Variants in PARD3B observed in about 807,000 individuals in gnomAD.
PARD3B encodes the protein par-3 family cell polarity regulator beta, also known as partitioning defective 3 homolog B.
PARD3B carries 103 observed loss-of-function variants against 130.2 expected under a neutral mutation model. That is an observed-to-expected ratio of 0.79 (90% CI 0.67 to 0.93). The LOEUF (loss-of-function observed/expected upper bound fraction) is 0.93, where lower values mean the gene tolerates loss of function less well. Ranked by LOEUF, PARD3B falls within the 40% of genes least tolerant of loss-of-function variation. The pLI is 0.00. For synonymous variants in PARD3B, 583 were observed against 553.2 expected, an observed-to-expected ratio of 1.05 and a Z score of -0.76; for missense variants, 1,609 against 1,499.2, an observed-to-expected ratio of 1.07 and a Z score of -1.21.
At chr2:204,944,124 G>A (rs1364424386) in intron 2 of PARD3B, among the ~76,000 whole-genome samples, 1 of 152,172 alleles carries the variant, frequency 6.6e-6, no homozygotes, top group African/African-American at 2.4e-5. Flanking sequence ...TCAAAATGAA[G>A]TACCACTTAA....
In PARD3B at chr2:204,722,578, C is replaced by A. The variant is rs116391234; in HGVS notation, c.222+36296C>A. Among the ~76,000 whole-genome samples the A allele has an allele frequency of 3.4e-3, 513 of 152,232 alleles. 3 individuals carry two copies. The highest frequency in any genetic ancestry group is 0.012 in the African/African-American group (484 of 41,548). On this transcript the variant is annotated intron_variant, in intron 2 of 22. Coordinates refer to ENST00000406610, the MANE Select transcript of PARD3B (RefSeq NM_001302769.2). ...TCTTGTCTATACATTTCTTGACTAG[C>A]GAGAAGAGATACGAGGCTTTAGGGC...
At chr2:205,599,167 G>C (rs1420661112) in intron 22 of PARD3B, among the ~76,000 whole-genome samples, 2 of 152,056 alleles carry the variant, frequency 1.3e-5, no homozygotes, top group Non-Finnish European at 2.9e-5. Flanking sequence ...TCAACAGAAA[G>C]TGAACCCAGA....
At position 205,550,316 on chromosome 2, in the gene PARD3B, T is replaced by C. The variant is rs2052561952; in HGVS notation, c.3181-3008T>C. Among the ~76,000 whole-genome samples the C allele has an allele frequency of 6.6e-6, 1 of 152,190 alleles. No individual in the cohort carries two copies. Among genetic ancestry groups the C allele is most frequent in the South Asian group, 2.1e-4 (1 of 4,824 alleles). ...TGCCTCCTTCCTCAGACTTCCACAG[T>C]GATCTCATTGTACCACAATTGTTTG... On this transcript the variant is annotated intron_variant, in intron 21 of 22. Transcript: ENST00000406610. This position sits in a 1 kb window ranked among gnomAD's most constrained non-coding sequence, Gnocchi z 4.5.
chr2:204,683,052 A>T (rs2036914036), intron 1 of PARD3B, among the ~76,000 whole-genome samples: 1 of 152,136 alleles, frequency 6.6e-6, no homozygotes, highest in Non-Finnish European at 1.5e-5. Context: ...TTCCTTTTGC[A>T]ATTCATTCTC....
chr2:205,448,495 G>A (rs2047984611), intron 20 of PARD3B, among the ~76,000 whole-genome samples: 2 of 151,960 alleles, frequency 1.3e-5, no homozygotes, highest in Admixed American at 6.6e-5. Flanking sequence ...TTAAAATGTG[G>A]GATAGTCTCT....
intron 21 of PARD3B, among the ~76,000 whole-genome samples, chr2:205,527,195 A>G (rs1298438925): frequency 6.6e-6 from 1 of 152,184 alleles, no homozygotes; most frequent in African/African-American, 2.4e-5. Flanking sequence ...AAGATAATGG[A>G]GCAGATAATT....
rs951801244 is a variant in PARD3B at position 205,572,499 on chromosome 2, CT to C, written c.3260+19099del. On this transcript the variant is annotated intron_variant, in intron 22 of 22. Transcript: ENST00000406610. This position sits in a 1 kb window ranked among gnomAD's most constrained non-coding sequence, Gnocchi z 4.2. The stretch of plus-strand genomic sequence containing the variant: ...GTGGTGCACGCCTGTAATCCCAGCA[CT>C]TTGGGAGGCCAAGGCAGGCGGATTG... Among the ~76,000 whole-genome samples, 22 of 152,180 alleles carry C rather than the reference CT, an allele frequency of 1.4e-4. No homozygotes were observed. Among genetic ancestry groups the C allele is most frequent in the African/African-American group, 4.3e-4 (18 of 41,448 alleles).
chr2:205,108,824 A>G (rs1249133226), intron 5 of PARD3B, among the ~76,000 whole-genome samples: 1 of 152,186 alleles, frequency 6.6e-6, no homozygotes, highest in Non-Finnish European at 1.5e-5. Flanking sequence ...TAGAAATGGT[A>G]TGATGTCGGA....
At position 204,546,029 on chromosome 2, in the gene PARD3B, G is replaced by T. The variant is rs749632216; in HGVS notation, c.30G>T (p.Thr10=). The T allele has an allele frequency of 6.4e-7, 1 of 1,567,668 alleles. No individual in the cohort carries two copies. The highest frequency in any genetic ancestry group is 1.2e-5 in the South Asian group (1 of 85,792). ...AAGTGACCGTGTGCTTCGGCAGGAC[G>T]GGCATCGTGGTGCCCTGCAAGGAGG... MKVTVCFGR[T]GIVVPCKEGQ... The change falls in exon 1 of 23, where the codon ACG becomes ACT. Residue 10 remains threonine (T), a synonymous_variant. Coordinates refer to ENST00000406610, the MANE Select transcript of PARD3B (RefSeq NM_001302769.2).
rs140243190 is a variant in PARD3B at position 205,400,343 on chromosome 2, G to A, written c.2631-670G>A. ...GAATCTCATCACAGGAGGACCTGAC[G>A]TACACATTTTAAAGAAAGTCCTGGC... is the stretch of plus-strand genomic sequence containing the variant. On this transcript the variant is annotated intron_variant, in intron 18 of 22. Transcript: ENST00000406610. Among the ~76,000 whole-genome samples the A allele has an allele frequency of 4.5e-3, 690 of 152,052 alleles. 5 individuals are homozygous for A. The highest frequency in any genetic ancestry group is 0.016 in the African/African-American group (658 of 41,484).
intron 20 of PARD3B, among the ~76,000 whole-genome samples, chr2:205,495,686 G>C (rs1454866761): frequency 1.3e-5 from 2 of 152,056 alleles, no homozygotes; most frequent in South Asian, 2.1e-4. Context: ...TTCCATTCTT[G>C]TTCAGTATCT....
At chr2:205,486,766 C>A (rs1020845338) in intron 20 of PARD3B, among the ~76,000 whole-genome samples, 21 of 152,058 alleles carry the variant, frequency 1.4e-4, no homozygotes, top group Non-Finnish European at 1.9e-4. Context: ...AACCATGATC[C>A]AATCACCTCC....
chr2:204,796,973 G>A (rs939486852), intron 2 of PARD3B, among the ~76,000 whole-genome samples: 4 of 151,860 alleles, frequency 2.6e-5, no homozygotes, highest in African/African-American at 9.7e-5. Flanking sequence ...TCTGGAGTTC[G>A]AGACCAGCCT....
chr2:205,128,961 A>G lies in PARD3B; in HGVS notation c.1434+3224A>G, dbSNP rs1431066115. Among the ~76,000 whole-genome samples the G allele has an allele frequency of 2.6e-5, 4 of 152,234 alleles. No homozygotes were observed. Among genetic ancestry groups the G allele is most frequent in the Non-Finnish European group, 5.9e-5 (4 of 68,044 alleles). ...TAGTGAAATTTGATTTCTATCCCAGAATGACATAGGCCAAGTCCACCAGGG... is the reference window on the plus strand; with the variant it reads ...TAGTGAAATTTGATTTCTATCCCAGGATGACATAGGCCAAGTCCACCAGGG... On this transcript the variant is annotated intron_variant, in intron 10 of 22. Coordinates refer to ENST00000406610, the MANE Select transcript of PARD3B (RefSeq NM_001302769.2). The surrounding 1 kb of genome is among the most constrained non-coding windows in gnomAD (Gnocchi z 4.5).
chr2:204,547,554 G>A (rs1164065306), intron 1 of PARD3B, among the ~76,000 whole-genome samples: 1 of 152,164 alleles, frequency 6.6e-6, no homozygotes, highest in African/African-American at 2.4e-5. Flanking sequence ...GTTAACTGAT[G>A]TTTAAACAAG....
chr2:204,548,581 T>C (rs2030195038), intron 1 of PARD3B, among the ~76,000 whole-genome samples: 1 of 152,226 alleles, frequency 6.6e-6, no homozygotes, highest in Non-Finnish European at 1.5e-5. Flanking sequence ...TGTTATGAAT[T>C]GGAATTTATC....
intron 3 of PARD3B, among the ~76,000 whole-genome samples, chr2:205,032,474 A>G (rs1048884327): frequency 1.1e-4 from 17 of 152,258 alleles, no homozygotes; most frequent in Non-Finnish European, 2.4e-4. Flanking sequence ...CCAGGAGCAG[A>G]TATGGGTCAA....
chr2:205,071,233 G>A (rs1205875814), intron 4 of PARD3B, among the ~76,000 whole-genome samples: 1 of 152,102 alleles, frequency 6.6e-6, no homozygotes, highest in Non-Finnish European at 1.5e-5. Context: ...TGACATGATT[G>A]TATTAATTCT....
intron 18 of PARD3B, among the ~76,000 whole-genome samples, chr2:205,319,220 C>T: frequency 6.6e-6 from 1 of 152,186 alleles, no homozygotes; most frequent in East Asian, 1.9e-4. Context: ...AACCATGCCT[C>T]TTAAACAAAG....
Sources: gnomAD v4.1 joint callset for allele counts (sites outside exome capture counted in the v4.1 genomes callset) on GRCh38, gnomAD v4.1.1 for gene constraint, Gnocchi (gnomAD v3.1) non-coding constraint, MANE v1.5 for transcripts, NCBI Gene and HGNC (gene_info 2026-07-23, HGNC 2026-07-21) for gene names.